Variants in WNT16 observed in about 807,000 individuals in gnomAD.
The protein encoded by WNT16 is protein Wnt-16.
A neutral mutation model predicts 35.4 loss-of-function variants in WNT16; 20 were observed. The ratio of observed to expected loss-of-function variants is 0.56; its 90% confidence interval spans 0.40 to 0.82. The LOEUF is 0.82. Among genes scored for constraint, WNT16 ranks in the 40% least tolerant of loss-of-function variants. WNT16 has a pLI of 0.00. For missense variants in WNT16, 461 were observed against 466.0 expected (o/e 0.99, Z 0.10); for synonymous variants, 180 against 179.2 (o/e 1.00, Z -0.03).
At position 121,329,336 on chromosome 7, in the gene WNT16, T is replaced by G; in HGVS notation, c.44T>G (p.Leu15Arg). The change falls in exon 1 of 4, where the codon CTG (leucine) becomes CGG (arginine). Residue 15 changes from leucine (L) to arginine (R), a missense_variant. Physicochemically the swap from Leu to Arg is moderately radical, Grantham distance 102. Transcript: ENST00000222462. ...CTGGGACTGGCCCGCTTGTGCGCGC[T>G]GTGGGCAGCCCTGCTCGTGCTGTTC... ...ALLGLARLCA[L>R]WAALLVLFPY... 1.2e-6 allele frequency: 2 copies of G among 1,602,074 alleles called. No homozygotes were observed. Among genetic ancestry groups the G allele is most frequent in the South Asian group, 1.1e-5 (1 of 89,480 alleles).
At chr7:121,335,205 T>A (rs1793421247) in intron 3 of WNT16, among the ~76,000 whole-genome samples, 1 of 152,090 alleles carries the variant, frequency 6.6e-6, no homozygotes. Context: ...TTTTGTAAAA[T>A]TCGGACAACG....
At chr7:121,325,373 CA>C, upstream of WNT16, 1 of 1,598,004 alleles carries the variant, frequency 6.3e-7, no homozygotes, top group Non-Finnish European at 8.5e-7. Context: ...TCTCAGCCTG[CA>C]AAAACCACAG....
intron 2 of WNT16, among the ~76,000 whole-genome samples, chr7:121,330,125 C>T (rs964240595): frequency 6.6e-6 from 1 of 152,230 alleles, no homozygotes; most frequent in Non-Finnish European, 1.5e-5. Flanking sequence ...CCCTCGGACC[C>T]CGTAGCGCCC....
At position 121,338,669 on chromosome 7, in the gene WNT16, G is replaced by A. The variant is rs540334316; in HGVS notation, c.634-212G>A. 3.9e-5 allele frequency among the ~76,000 whole-genome samples: 6 copies of A among 152,298 alleles called. No individual in the cohort carries two copies. The South Asian group carries it at 1.2e-3, about 32-fold the overall frequency. On this transcript the variant is annotated intron_variant, in intron 3 of 3. Coordinates refer to ENST00000222462, the MANE Select transcript of WNT16 (RefSeq NM_057168.2). ...AGCTTGGAAAGCTTTGCTCTGAAGG[G>A]TCAAGAAATTTGGACAAAACATTTG... is the stretch of plus-strand genomic sequence containing the variant.
intron 3 of WNT16, among the ~76,000 whole-genome samples, chr7:121,335,891 T>C (rs1175874184): frequency 6.6e-6 from 1 of 152,112 alleles, no homozygotes; most frequent in African/African-American, 2.4e-5. Flanking sequence ...CTAGCTATTA[T>C]GTGCAACAAA....
chr7:121,336,759 TCTA>T (rs1410776363), intron 3 of WNT16, among the ~76,000 whole-genome samples: 8 of 152,216 alleles, frequency 5.3e-5, no homozygotes. Context: ...TTGATGAGCG[TCTA>T]CTTTGTCCCT....
chr7:121,335,471 A>G (rs1793427679), intron 3 of WNT16, among the ~76,000 whole-genome samples: 1 of 152,146 alleles, frequency 6.6e-6, no homozygotes, highest in Non-Finnish European at 1.5e-5. Flanking sequence ...ATCTGTTTGC[A>G]ATAGTTAACA....
chr7:121,339,347 C>T lies in WNT16; in HGVS notation c.*2C>T, dbSNP rs780017797. 9.3e-6 allele frequency: 15 copies of T among 1,608,702 alleles called. No individual in the cohort carries two copies. Among genetic ancestry groups the T allele is most frequent in the African/African-American group, 1.3e-5 (1 of 74,884 alleles). On this transcript the variant is annotated 3_prime_UTR_variant, in exon 4 of 4. Coordinates refer to ENST00000222462, the MANE Select transcript of WNT16 (RefSeq NM_057168.2). ...ACTGATGTCCACACTTGCAAGTAAC[C>T]ACTCCATCCAGCCTTGGGCAAGATG...
At chr7:121,337,294 T>A (rs991453528) in intron 3 of WNT16, among the ~76,000 whole-genome samples, 1 of 152,234 alleles carries the variant, frequency 6.6e-6, no homozygotes. Context: ...CCATATGCTC[T>A]TATTTAAGGT....
chr7:121,325,453 C>A, upstream of WNT16: 1 of 1,613,754 alleles, frequency 6.2e-7, no homozygotes, highest in South Asian at 1.1e-5. Context: ...ACCCTCTTCA[C>A]AGGGGCTTCT....
chr7:121,326,065 A>AAAAAT (rs71170244), upstream of WNT16, among the ~76,000 whole-genome samples: 1 of 149,866 alleles, frequency 6.7e-6, no homozygotes. Flanking sequence ...AAAAAAAAAA[A>AAAAAT]GGAGGGGCCT....
rs771956884 is a variant in WNT16 at position 121,329,399 on chromosome 7, G to A, written c.95+12G>A. 1.2e-6 allele frequency: 2 copies of A among 1,609,454 alleles called. No individual in the cohort carries two copies. The highest frequency in any genetic ancestry group is 1.7e-6 in the Non-Finnish European group (2 of 1,177,246). The stretch of plus-strand genomic sequence containing the variant: ...CAAGGAAACTGGATGTGAGTATGGA[G>A]GTGGCAGGGAAGCATCGGGTAGGTG... On this transcript the variant is annotated intron_variant, in intron 1 of 3. Coordinates refer to ENST00000222462, the MANE Select transcript of WNT16 (RefSeq NM_057168.2).
At chr7:121,325,710 T>C (rs1793234758), upstream of WNT16, among the ~76,000 whole-genome samples, 1 of 151,912 alleles carries the variant, frequency 6.6e-6, no homozygotes, top group African/African-American at 2.4e-5. Context: ...ATATATATGT[T>C]TTGAATTAGG....
At chr7:121,334,460 G>A (rs944858409) in intron 3 of WNT16, among the ~76,000 whole-genome samples, 1 of 152,030 alleles carries the variant, frequency 6.6e-6, no homozygotes, top group Non-Finnish European at 1.5e-5. Flanking sequence ...TATCTAACAT[G>A]GATGAGCAAT....
chr7:121,334,312 T>C (rs1227379831), intron 3 of WNT16, among the ~76,000 whole-genome samples: 2 of 152,112 alleles, frequency 1.3e-5, no homozygotes, highest in African/African-American at 2.4e-5. Flanking sequence ...GGTACTATGC[T>C]GGTGTTTTTG....
At chr7:121,330,871 C>T (rs1562875359) in intron 2 of WNT16, among the ~76,000 whole-genome samples, 1 of 151,440 alleles carries the variant, frequency 6.6e-6, no homozygotes, top group African/African-American at 2.4e-5. Context: ...AAAAAAAAGT[C>T]GCCTGCTGAT....
chr7:121,330,527 G>A (rs1048777307), intron 2 of WNT16, among the ~76,000 whole-genome samples: 8 of 152,164 alleles, frequency 5.3e-5, no homozygotes, highest in Non-Finnish European at 1.0e-4. Flanking sequence ...AATATCAACA[G>A]ATCCAAAGAA....
upstream of WNT16, among the ~76,000 whole-genome samples, chr7:121,325,664 T>A (rs756900193): frequency 1.3e-5 from 2 of 151,830 alleles, no homozygotes; most frequent in African/African-American, 4.8e-5. Context: ...TATATATATA[T>A]AACACCTAAC....
intron 3 of WNT16, among the ~76,000 whole-genome samples, chr7:121,337,680 G>A (rs55963900): frequency 0.28 from 43,153 of 152,072 alleles, 6,380 homozygotes; most frequent in African/African-American, 0.35. Context: ...TAAGAGATTA[G>A]AGCCCTAAAC....
Sources: allele counts gnomAD v4.1 joint callset (sites outside exome capture counted in the v4.1 genomes callset), GRCh38; gene constraint gnomAD v4.1.1; transcripts MANE v1.5; gene names NCBI Gene and HGNC (gene_info 2026-07-23, HGNC 2026-07-21).